GSE1: variants seen among roughly 807,000 people sequenced by gnomAD.
GSE1 encodes Gse1 coiled-coil protein.
Under a neutral mutation model 112.6 loss-of-function variants are expected in GSE1, and 32 were observed. The ratio of observed to expected loss-of-function variants is 0.28; its 90% CI spans 0.21 to 0.38. GSE1 has a LOEUF of 0.38. Ranked by LOEUF, GSE1 falls within the 10% of genes least tolerant of loss-of-function variation. The pLI is 1.00. For missense variants in GSE1, 2,348 were observed against 1,699.2 expected (o/e 1.38, Z -6.71); for synonymous variants, 1,115 against 735.6 (o/e 1.52, Z -8.35).
At chr16:85,278,151 C>G (rs1909557464) in intron 1 of GSE1, among the ~76,000 whole-genome samples, 1 of 152,204 alleles carries the variant, frequency 6.6e-6, no homozygotes, top group South Asian at 2.1e-4. Flanking sequence ...TGGCTGAAGT[C>G]CGGGGTCTGA....
At chr16:85,364,854 G>T (rs926009605) in intron 2 of GSE1, among the ~76,000 whole-genome samples, 6 of 152,216 alleles carry the variant, frequency 3.9e-5, no homozygotes, top group African/African-American at 1.4e-4. Flanking sequence ...CTGCTGGGCG[G>T]TTCGTCCATG....
chr16:85,519,231 C>T (rs2052055815), intron 2 of GSE1, among the ~76,000 whole-genome samples: 1 of 151,796 alleles, frequency 6.6e-6, no homozygotes, highest in Non-Finnish European at 1.5e-5. Context: ...TCTGTATCAT[C>T]ACCATCACCA....
At chr16:85,502,694 C>G (rs1443149379) in intron 2 of GSE1, among the ~76,000 whole-genome samples, 2 of 152,212 alleles carry the variant, frequency 1.3e-5, no homozygotes, top group East Asian at 3.8e-4. Context: ...TACCGCCGAC[C>G]TGCAGGGGAG....
chr16:85,177,263 G>T (rs958957075), intron 1 of GSE1, among the ~76,000 whole-genome samples: 4 of 152,246 alleles, frequency 2.6e-5, no homozygotes, highest in African/African-American at 7.2e-5. Flanking sequence ...TCTCACCCTT[G>T]TGAGGTTAAC....
rs371727073 is a variant in GSE1 at position 85,516,216 on chromosome 16, G to A, written c.2465-117698G>A. On this transcript the variant is annotated intron_variant, in intron 2 of 2. Coordinates refer to the GSE1 transcript ENST00000637419. ...TCCTGGGAGGCCTGGGGAAGGGGGC[G>A]GAGCTGGGCTGTGATCTGGTGCCAG... 5.9e-5 allele frequency among the ~76,000 whole-genome samples: 9 copies of A among 152,196 alleles called. No individual in the cohort carries two copies. The East Asian group carries it at 7.7e-4, about 13-fold the overall frequency.
At chr16:85,537,188 C>A (rs2044359905) in intron 2 of GSE1, among the ~76,000 whole-genome samples, 1 of 152,222 alleles carries the variant, frequency 6.6e-6, no homozygotes, top group South Asian at 2.1e-4. Context: ...GGCCTAAAAT[C>A]TGGGCTGCAG....
At chr16:85,432,215 T>G (rs1402447152) in intron 2 of GSE1, among the ~76,000 whole-genome samples, 1 of 152,236 alleles carries the variant, frequency 6.6e-6, no homozygotes, top group Admixed American at 6.5e-5. Context: ...TTCCAGAACA[T>G]TCTGCCATTG....
chr16:85,574,887 G>A (rs574138399), intron 1 of GSE1, among the ~76,000 whole-genome samples: 4 of 152,162 alleles, frequency 2.6e-5, no homozygotes, highest in Admixed American at 6.5e-5. Context: ...TGGGATCTGC[G>A]CTCCAGGCAG....
At chr16:85,423,198 C>T (rs2048892739) in intron 2 of GSE1, among the ~76,000 whole-genome samples, 1 of 152,234 alleles carries the variant, frequency 6.6e-6, no homozygotes, top group South Asian at 2.1e-4. Flanking sequence ...TCAGGGGAAC[C>T]CTTCTCTGCA....
At chr16:85,229,364 T>G (rs918193336) in intron 1 of GSE1, among the ~76,000 whole-genome samples, 1 of 152,312 alleles carries the variant, frequency 6.6e-6, no homozygotes, top group Admixed American at 6.5e-5. Context: ...AGCGGGCTTG[T>G]GGCTGCCGTT....
chr16:85,620,460 A>G (rs2048658833), intron 1 of GSE1, among the ~76,000 whole-genome samples: 1 of 152,256 alleles, frequency 6.6e-6, no homozygotes, highest in Admixed American at 6.5e-5. Context: ...GATCCACTAG[A>G]CAGCCGATGC....
intron 1 of GSE1, among the ~76,000 whole-genome samples, chr16:85,308,641 G>A (rs1039634438): frequency 6.6e-5 from 10 of 152,048 alleles, no homozygotes; most frequent in Non-Finnish European, 5.9e-5. Context: ...CTGGCTTTAT[G>A]TTGTGTATAG....
chr16:85,267,459 C>T (rs574774083), intron 1 of GSE1, among the ~76,000 whole-genome samples: 10 of 152,046 alleles, frequency 6.6e-5, no homozygotes, highest in African/African-American at 1.2e-4. Context: ...GGGCAGTGAC[C>T]GTGGGGGGTG....
chr16:85,202,051 G>T (rs548201019), intron 1 of GSE1, among the ~76,000 whole-genome samples: 9 of 152,352 alleles, frequency 5.9e-5, no homozygotes, highest in African/African-American at 1.7e-4. Flanking sequence ...TGCAAGTCCT[G>T]GTGGGTGGTG....
intron 7 of GSE1, 55 bp downstream of exon 7, chr16:85,656,720 G>A (rs1340229336): frequency 2.1e-6 from 3 of 1,445,678 alleles, no homozygotes; most frequent in African/African-American, 1.4e-5. Flanking sequence ...CCGCGGGGAG[G>A]AGCCCTGAAT....
intron 2 of GSE1, among the ~76,000 whole-genome samples, chr16:85,492,047 C>T (rs1019843444): frequency 2.0e-5 from 3 of 152,198 alleles, no homozygotes; most frequent in East Asian, 1.9e-4. Context: ...CCCCTGGACA[C>T]GGGCAGCCAG....
intron 1 of GSE1, among the ~76,000 whole-genome samples, chr16:85,336,825 A>G (rs1356083182): frequency 5.3e-5 from 8 of 152,238 alleles, no homozygotes; most frequent in Admixed American, 2.6e-4. Flanking sequence ...ACTCATATGT[A>G]TACATATGTC....
At chr16:85,631,505 G>A (rs1418982515) in intron 1 of GSE1, among the ~76,000 whole-genome samples, 2 of 152,244 alleles carry the variant, frequency 1.3e-5, no homozygotes, top group Non-Finnish European at 2.9e-5. Context: ...TGTGGCTCCA[G>A]TGGGGTGAGC....
chr16:85,354,226 G>A (rs2046905718), intron 1 of GSE1, among the ~76,000 whole-genome samples: 1 of 152,166 alleles, frequency 6.6e-6, no homozygotes, highest in African/African-American at 2.4e-5. Flanking sequence ...CTACTGAAAA[G>A]CTGTGTCCCC....
Sources: allele counts gnomAD v4.1 joint callset (sites outside exome capture counted in the v4.1 genomes callset), GRCh38; gene constraint gnomAD v4.1.1; transcripts MANE v1.5; gene names NCBI Gene and HGNC (gene_info 2026-07-23, HGNC 2026-07-21).